Variants in SLC25A24 observed in about 807,000 individuals in gnomAD.
SLC25A24 encodes the protein solute carrier family 25 member 24, also known as mitochondrial adenyl nucleotide antiporter SLC25A24.
SLC25A24 carries 49 observed loss-of-function variants against 60.7 expected under a neutral mutation model. That is an observed-to-expected ratio of 0.81 (90% CI 0.64 to 1.02). SLC25A24 has a LOEUF of 1.02. Among genes scored for constraint, SLC25A24 ranks in the 50% least tolerant of loss-of-function variants. The probability of loss-of-function intolerance (pLI) is 0.00; values close to 1 mark genes in which losing one functional copy is unlikely to be tolerated. For missense variants in SLC25A24, 564 were observed against 586.3 expected (o/e 0.96, Z 0.39); for synonymous variants, 202 against 200.6 (o/e 1.01, Z -0.06).
chr1:108,167,064 T>A (rs1006044442), intron 3 of SLC25A24, among the ~76,000 whole-genome samples: 1 of 113,272 alleles, frequency 8.8e-6, no homozygotes, highest in Non-Finnish European at 1.8e-5. Context: ...GAGGTGTCAG[T>A]GTGCCCCTGC....
chr1:108,199,966 T>A lies in SLC25A24; in HGVS notation c.173A>T (p.Asp58Val). The change falls in exon 1 of 10, where the codon GAC becomes GTC. Residue 58 changes from aspartate to valine, a missense_variant. Transcript: ENST00000565488. ...LRNLGIPLGQDAEEKIFTTGD... is the reference protein window; with the variant it reads ...LRNLGIPLGQVAEEKIFTTGD... ...CCGGCGGCGACCCACCTCCTCGGCGTCCTGGCCCAGAGGGATGCCCAGGTT... is the reference window on the plus strand; with the variant it reads ...CCGGCGGCGACCCACCTCCTCGGCGACCTGGCCCAGAGGGATGCCCAGGTT... The A allele has an allele frequency of 1.2e-6, 2 of 1,607,216 alleles. No homozygotes were observed. Among genetic ancestry groups the A allele is most frequent in the African/African-American group, 2.7e-5 (2 of 74,912 alleles).
At position 108,135,103 on chromosome 1, in the gene SLC25A24, T is replaced by TG. The variant is rs1253392131; in HGVS notation, c.*1549dup. The TG allele has an allele frequency of 2.0e-5, 3 of 152,534 alleles. No individual in the cohort carries two copies. The highest frequency in any genetic ancestry group is 4.4e-5 in the Non-Finnish European group (3 of 67,996). 9.4% of individuals were successfully genotyped at this position (152,534 alleles called of 1,614,324 possible). On this transcript the variant is annotated 3_prime_UTR_variant, in exon 10 of 10. Transcript: ENST00000565488. ...GAGTAAAAATAGAAAGAGCTGATCA[T>TG]GTACCTTAATATTGTCACTTTATAT...
In SLC25A24 at chr1:108,175,193, G is replaced by A. The variant is rs368098636; in HGVS notation, c.398+6748C>T. On this transcript the variant is annotated intron_variant, in intron 3 of 9. Transcript: ENST00000565488. The stretch of plus-strand genomic sequence containing the variant: ...ATTATAGTTCCAATAATCCCCACAT[G>A]TCACAGGAGGGACCCAGTGGGAGGT... Among the ~76,000 whole-genome samples the A allele has an allele frequency of 1.6e-3, 244 of 152,264 alleles. 3 individuals carry two copies. The highest frequency in any genetic ancestry group is 5.7e-3 in the African/African-American group (236 of 41,538).
chr1:108,185,979 T>C, intron 1 of SLC25A24, 25 bp from the exon 2 acceptor site: 1 of 1,528,470 alleles, frequency 6.5e-7, no homozygotes, highest in Non-Finnish European at 8.9e-7. Context: ...TAGAGAGAAG[T>C]TATTGCCAAT....
rs754538412 is a variant in SLC25A24 at position 108,181,938 on chromosome 1, T to C, written c.398+3A>G. The C allele has an allele frequency of 3.1e-6, 5 of 1,598,722 alleles. No individual in the cohort carries two copies. The East Asian group carries it at 6.7e-5, about 21-fold the overall frequency. On this transcript the variant is annotated splice_donor_region_variant and intron_variant, in intron 3 of 9. Transcript: ENST00000565488. ...CAATTGTTGACCAACATGAAGAGCT[T>C]ACCTTTGAAGAATCAACTCTGCTTG...
intron 1 of SLC25A24, 124 bp downstream of exon 1, chr1:108,199,832 G>A: frequency 1.3e-6 from 1 of 744,558 alleles, no homozygotes; most frequent in Non-Finnish European, 2.1e-6. Flanking sequence ...CCGGAGCGCT[G>A]GGCGCCACAG....
intron 1 of SLC25A24, chr1:108,192,526 T>C (rs1648374167): frequency 6.7e-7 from 1 of 1,497,606 alleles, no homozygotes. Context: ...GAATGGCCCC[T>C]ACATCCTCCA....
intron 3 of SLC25A24, among the ~76,000 whole-genome samples, chr1:108,168,030 T>TAA (rs1558018850): frequency 6.6e-6 from 1 of 152,198 alleles, no homozygotes; most frequent in Admixed American, 6.5e-5. Context: ...ACAAAGAAGG[T>TAA]GCTCATTTAT....
chr1:108,159,192 G>A (rs1490271055), intron 4 of SLC25A24, among the ~76,000 whole-genome samples: 1 of 152,146 alleles, frequency 6.6e-6, no homozygotes, highest in African/African-American at 2.4e-5. Context: ...CTAAGCAGAT[G>A]AAGCAAAAAG....
chr1:108,156,813 G>A (rs1055709584), intron 5 of SLC25A24, among the ~76,000 whole-genome samples: 3 of 152,156 alleles, frequency 2.0e-5, no homozygotes, highest in Non-Finnish European at 4.4e-5. Context: ...AGGAGCACTG[G>A]AGGCAAAGAT....
intron 3 of SLC25A24, among the ~76,000 whole-genome samples, chr1:108,162,423 G>C (rs1005152287): frequency 1.9e-4 from 28 of 150,236 alleles, no homozygotes; most frequent in African/African-American, 3.5e-4. Flanking sequence ...GTGTAAAAGT[G>C]TTCCTATTTC....
At chr1:108,139,332 A>C in intron 8 of SLC25A24, 124 bp from the exon 9 acceptor site, 1 of 991,888 alleles carries the variant, frequency 1.0e-6, no homozygotes, top group Non-Finnish European at 1.4e-6. Context: ...GCATTTGCAG[A>C]AGCAGCAGGC....
intron 1 of SLC25A24, chr1:108,192,814 G>T: frequency 8.0e-7 from 1 of 1,246,424 alleles, no homozygotes. Flanking sequence ...CATCCTAACG[G>T]CTTCAGCGCA....
At chr1:108,171,168 CT>C (rs1445752315) in intron 3 of SLC25A24, among the ~76,000 whole-genome samples, 2 of 151,948 alleles carry the variant, frequency 1.3e-5, no homozygotes, top group South Asian at 2.1e-4. Flanking sequence ...TCTTTCCCCC[CT>C]GATTTGGAAG....
At chr1:108,160,476 A>G (rs920014257) in intron 4 of SLC25A24, among the ~76,000 whole-genome samples, 45 of 146,468 alleles carry the variant, frequency 3.1e-4, no homozygotes, top group African/African-American at 1.0e-3. Flanking sequence ...CTGGGCAGCC[A>G]GGCAGAGGGG....
chr1:108,194,433 G>A (rs1648432838), intron 1 of SLC25A24, among the ~76,000 whole-genome samples: 1 of 129,562 alleles, frequency 7.7e-6, no homozygotes, highest in Non-Finnish European at 1.7e-5. Flanking sequence ...CAGATAGCCA[G>A]GCAGAGAATG....
chr1:108,143,516 C>T (rs1679503286), intron 8 of SLC25A24, 27 bp downstream of exon 8: 1 of 1,582,438 alleles, frequency 6.3e-7, no homozygotes, highest in African/African-American at 1.4e-5. Flanking sequence ...CTGCATTTTC[C>T]AATTCAAAAG....
At chr1:108,177,097 T>C (rs1215616050) in intron 3 of SLC25A24, among the ~76,000 whole-genome samples, 1 of 152,132 alleles carries the variant, frequency 6.6e-6, no homozygotes, top group Non-Finnish European at 1.5e-5. Context: ...AACTGTGACA[T>C]CAAAAATTCA....
intron 3 of SLC25A24, among the ~76,000 whole-genome samples, chr1:108,170,187 C>G (rs1647400995): frequency 6.6e-6 from 1 of 152,130 alleles, no homozygotes; most frequent in South Asian, 2.1e-4. Context: ...GTTTTCAAGT[C>G]AACGTGTCCT....
Sources: gnomAD v4.1 joint callset for allele counts (sites outside exome capture counted in the v4.1 genomes callset) on GRCh38, gnomAD v4.1.1 for gene constraint, MANE v1.5 for transcripts, NCBI Gene and HGNC (gene_info 2026-07-23, HGNC 2026-07-21) for gene names.